The following ANO8 variants were observed in gnomAD, a reference collection of about 807,000 sequenced individuals.
ANO8 encodes anoctamin-8.
ANO8 carries 67 observed loss-of-function variants against 120.4 expected under a neutral mutation model. That is an observed-to-expected ratio of 0.56 (90% confidence interval 0.46 to 0.68). The LOEUF (loss-of-function observed/expected upper bound fraction) is 0.68. Among genes scored for constraint, ANO8 ranks in the 30% least tolerant of loss-of-function variants. The pLI is 0.00. For synonymous variants in ANO8, 727 were observed against 759.2 expected (o/e 0.96, Z 0.70); for missense variants, 1,526 against 1,737.6 (o/e 0.88, Z 2.16).
At chr19:17,327,917 C>T (rs202038088) in intron 13 of ANO8, 37 bp from the exon 14 acceptor site, 3 of 1,597,424 alleles carry the variant, frequency 1.9e-6, no homozygotes, top group Non-Finnish European at 2.6e-6. Context: ...GAAGCCTCTT[C>T]CCTGGGACAA....
Position 17,327,419 on chromosome 19 carries a change from C to T in ANO8, c.2550+19G>A. The T allele has an allele frequency of 3.1e-6, 5 of 1,590,094 alleles. No homozygotes were observed. The highest frequency in any genetic ancestry group is 4.3e-6 in the Non-Finnish European group (5 of 1,168,476). ...CCCTCTCGCCTCCCAGCTGCCCCCG[C>T]CCCTGTCGCCGGCCCCACCTCGAGC... On this transcript the variant is annotated intron_variant, in intron 15 of 17. Coordinates refer to ENST00000159087, the MANE Select transcript of ANO8 (RefSeq NM_020959.3).
Position 17,327,247 on chromosome 19 carries a change from G to A in ANO8, c.2649C>T (p.Arg883=), listed in dbSNP as rs1481052133. ...CTGGCCCCCCTACCTTAAAGGCCTC[G>A]CGGCGCTGGTACTCCAGCTTGGCCA... ...EEMAKLEYQR[R]EAFKRHERQA... The change falls in exon 16 of 18, where the codon CGC becomes CGT. Residue 883 remains arginine, a synonymous_variant. Coordinates refer to ENST00000159087, the MANE Select transcript of ANO8 (RefSeq NM_020959.3). The A allele has an allele frequency of 6.5e-6, 10 of 1,544,722 alleles. No individual in the cohort carries two copies. Among genetic ancestry groups the A allele is most frequent in the Non-Finnish European group, 8.7e-6 (10 of 1,143,510 alleles).
At chr19:17,331,881 C>A (rs944871372) in intron 5 of ANO8, among the ~76,000 whole-genome samples, 2 of 149,764 alleles carry the variant, frequency 1.3e-5, no homozygotes, top group Non-Finnish European at 3.0e-5. Context: ...GATCCACCTG[C>A]CTCGGCCTCT....
intron 5 of ANO8, among the ~76,000 whole-genome samples, chr19:17,332,610 C>T (rs1270306278): frequency 1.3e-5 from 2 of 152,156 alleles, no homozygotes; most frequent in Admixed American, 1.3e-4. Flanking sequence ...GACCCACCTC[C>T]CAGAAATAAG....
intron 12 of ANO8, chr19:17,329,251 C>G (rs968997719): frequency 4.6e-6 from 2 of 431,636 alleles, no homozygotes; most frequent in African/African-American, 4.2e-5. Flanking sequence ...TGTCGGTGCA[C>G]TGGGCCGCGT....
In ANO8 at chr19:17,333,406, G is replaced by C; in HGVS notation, c.350+16C>G. On this transcript the variant is annotated intron_variant, in intron 3 of 17. Coordinates refer to ENST00000159087, the MANE Select transcript of ANO8 (RefSeq NM_020959.3). The surrounding 1 kb of genome is among the most constrained non-coding windows in gnomAD (Gnocchi z 7.2). ...GGGTGGCAGGCTCAGCGAGAGGCCA[G>C]GGACAGGGGACTCGCCTCTCATACG... The C allele has an allele frequency of 6.2e-7, 1 of 1,613,734 alleles. No individual in the cohort carries two copies. Among genetic ancestry groups the C allele is most frequent in the South Asian group, 1.1e-5 (1 of 91,082 alleles).
rs765673590 is a variant in ANO8 at position 17,329,768 on chromosome 19, G to A, written c.1393C>T (p.Arg465Cys). 5 of 1,612,494 alleles carry A rather than the reference G, an allele frequency of 3.1e-6. No individual in the cohort carries two copies. The highest frequency in any genetic ancestry group is 2.2e-5 in the East Asian group (1 of 44,836). The change falls in exon 12 of 18, where the codon CGC becomes TGC. Residue 465 changes from arginine (R) to cysteine (C), a missense_variant. Physicochemically the swap from Arg to Cys is radical, Grantham distance 180. Around this residue, in one of 8 missense-constraint regions of ANO8, gnomAD observed 23 missense variants for 53.3 expected, o/e 0.43. Transcript: ENST00000159087. ...GGCGGGGGTCTCACCTCTTTCAAGC[G>A]CTCCATGTCCTTGAGGTAGAAACCG... is the stretch of plus-strand genomic sequence containing the variant. Reference protein sequence around the residue: ...YIGFYLKDMERLKEMLATLLI... With the variant: ...YIGFYLKDMECLKEMLATLLI...
rs1599546468 is a variant in ANO8, at chr19:17,328,541, T to G, written c.1847A>C (p.Lys616Thr). ...GLLDCGLRLK[K>T]VSFAERGAGR... ...CGCGCCGCGCTCAGCGAAGCTGACC[T>G]TCTTCAGCCGGAGCCCGCAGTCCAG... Residue 616 changes from lysine to threonine, a missense_variant, in exon 13 of 18, where the codon AAG (lysine) becomes ACG (threonine). Physicochemically the swap from Lys to Thr is moderately conservative, Grantham distance 78. Transcript: ENST00000159087. The G allele has an allele frequency of 6.5e-7, 1 of 1,549,038 alleles. No homozygotes were observed.
Position 17,331,147 on chromosome 19 carries a change from C to A in ANO8, c.772G>T (p.Ala258Ser). 1 of 1,614,218 alleles carries A rather than the reference C, an allele frequency of 6.2e-7. No individual in the cohort carries two copies. Among genetic ancestry groups the A allele is most frequent in the Non-Finnish European group, 8.5e-7 (1 of 1,180,040 alleles). Residue 258 changes from alanine (A) to serine (S), a missense_variant, in exon 7 of 18, where the codon GCT becomes TCT. This residue lies in a region of ANO8 where 322 missense variants were observed against 431.8 expected (regional missense o/e 0.75). Transcript: ENST00000159087. The stretch of plus-strand genomic sequence containing the variant: ...CCGAAGACAGCTGGGTATACCATAG[C>A]CGACGTGTAGAAGCCCAGCCAGGCG... Reference protein sequence around the residue: ...YFAWLGFYTSAMVYPAVFGSV... With the variant: ...YFAWLGFYTSSMVYPAVFGSV...
chr19:17,333,658 C>T lies in ANO8; in HGVS notation c.217+32G>A. ...CGAGCTCAGGAGAGCCGCATCTGGG[C>T]ACTGGGCGGGCGGGCGGGCGGGCTT... On this transcript the variant is annotated intron_variant, in intron 2 of 17. Coordinates refer to ENST00000159087, the MANE Select transcript of ANO8 (RefSeq NM_020959.3). The surrounding 1 kb of genome is among the most constrained non-coding windows in gnomAD (Gnocchi z 7.2). The T allele has an allele frequency of 1.2e-5, 5 of 413,000 alleles. No individual in the cohort carries two copies. The South Asian group carries it at 1.3e-4, about 11-fold the overall frequency. The allele number at this position is 413,000 out of a possible 1,614,324, so 25.6% of individuals were successfully genotyped here.
Position 17,325,009 on chromosome 19 carries a change from T to G in ANO8, c.3039A>C (p.Ser1013=), listed in dbSNP as rs758235146. 7.4e-6 allele frequency: 12 copies of G among 1,612,562 alleles called. No homozygotes were observed. The East Asian group carries it at 2.7e-4, about 36-fold the overall frequency. ...GATTRPPPAQ[S]PTGSDTRLPA... ...GCAGGCGGGTGTCGCTGCCTGTGGG[T>G]GACTGGGCAGGGGGAGGCCGGGTGG... The change falls in exon 17 of 18, where the codon TCA becomes TCC. Residue 1013 remains serine, a synonymous_variant. Coordinates refer to ENST00000159087, the MANE Select transcript of ANO8 (RefSeq NM_020959.3).
At chr19:17,332,823 C>G in intron 5 of ANO8, 107 bp downstream of exon 5, 1 of 1,291,966 alleles carries the variant, frequency 7.7e-7, no homozygotes. Context: ...CTTTGCCAAC[C>G]CCTGACTGGT....
chr19:17,328,329 G>A lies in ANO8; in HGVS notation c.2059C>T (p.Arg687Ter). Residue 687 changes from arginine to a stop codon, truncating the protein, a stop_gained, in exon 13 of 18, where the codon CGA (arginine) becomes TGA (stop). Transcript: ENST00000159087. LOFTEE classifies it high-confidence loss of function. ...GGGCCCCCGTCGGGCCCCTGGTCTCGGCCCTCGCCCCCGGCCCGGCGGAAC... is the reference window on the plus strand; with the variant it reads ...GGGCCCCCGTCGGGCCCCTGGTCTCAGCCCTCGCCCCCGGCCCGGCGGAAC... The part of the protein sequence containing the change: ...ILFRRAGGEG[R>*]DQGPDGGPDP... 1 of 1,588,696 alleles carries A rather than the reference G, an allele frequency of 6.3e-7. No individual in the cohort carries two copies. Among genetic ancestry groups the A allele is most frequent in the Non-Finnish European group, 8.5e-7 (1 of 1,170,398 alleles).
chr19:17,328,149 G>GCGAGGCCCCC lies in ANO8; in HGVS notation c.2226+12_2226+13insGGGGGCCTCG. 1 of 1,287,520 alleles carries GCGAGGCCCCC rather than the reference G, an allele frequency of 7.8e-7. No individual in the cohort carries two copies. Among genetic ancestry groups the GCGAGGCCCCC allele is most frequent in the Non-Finnish European group, 1.0e-6 (1 of 956,400 alleles). The allele number at this position is 1,287,520 out of a possible 1,614,324, so 79.8% of individuals were successfully genotyped here. A position where few individuals can be genotyped will look rare whatever the true frequency, so the allele number is the denominator to read the frequency against. On this transcript the variant is annotated intron_variant, in intron 13 of 17. Coordinates refer to ENST00000159087, the MANE Select transcript of ANO8 (RefSeq NM_020959.3). ...GAGGCCCCGCCCCCTGCGAGGCCCCGCCCCCTCCTCACCTCGTACTTCTTC... is the reference window on the plus strand; with the variant it reads ...GAGGCCCCGCCCCCTGCGAGGCCCCGCGAGGCCCCCCCCCCTCCTCACCTCGTACTTCTTC...
intron 17 of ANO8, 48 bp from the exon 18 acceptor site, chr19:17,323,932 A>AC (rs2074256068): frequency 1.8e-6 from 2 of 1,102,162 alleles, no homozygotes. Flanking sequence ...CCCCCGCCGG[A>AC]CCCCGCCGGG....
rs959001094 is a variant in ANO8, at chr19:17,334,774, AG to A, written c.-105del. The A allele has an allele frequency of 1.3e-3, 1,543 of 1,168,370 alleles. 1 individual carries two copies. The highest frequency in any genetic ancestry group is 1.7e-3 in the Non-Finnish European group (1,478 of 884,314). 72.4% of individuals were successfully genotyped at this position (1,168,370 alleles called of 1,614,324 possible). On this transcript the variant is annotated 5_prime_UTR_variant, in exon 1 of 18. Coordinates refer to ENST00000159087, the MANE Select transcript of ANO8 (RefSeq NM_020959.3). ...CGGAGCGCGCGGGAGGAGGAGACAA[AG>A]GCCGCGCCCGCCCGCGCCGGCCTCG...
At chr19:17,329,374 C>G (rs1320670875) in intron 12 of ANO8, 3 of 355,054 alleles carry the variant, frequency 8.4e-6, no homozygotes, top group Admixed American at 4.5e-5. Flanking sequence ...GCTGCCCACC[C>G]CGGCGAGGAC....
chr19:17,332,656 C>T (rs1045529760), intron 5 of ANO8, among the ~76,000 whole-genome samples: 5 of 152,188 alleles, frequency 3.3e-5, no homozygotes, highest in Admixed American at 1.3e-4. Context: ...CCCCTCAGCT[C>T]ATTGGTTCCC....
At chr19:17,323,980 G>T in intron 17 of ANO8, 96 bp from the exon 18 acceptor site, 1 of 1,032,002 alleles carries the variant, frequency 9.7e-7, no homozygotes, top group Non-Finnish European at 1.2e-6. Flanking sequence ...GGGCATCCAG[G>T]CACATAAAGG....
Sources: allele counts gnomAD v4.1 joint callset (sites outside exome capture counted in the v4.1 genomes callset), GRCh38; gene constraint gnomAD v4.1.1; regional missense constraint gnomAD v4.1.1; non-coding constraint Gnocchi (gnomAD v3.1); transcripts MANE v1.5; gene names NCBI Gene and HGNC (gene_info 2026-07-23, HGNC 2026-07-21).